The following TG variants were observed in gnomAD, a reference collection of about 807,000 sequenced individuals.
The protein encoded by TG is thyroid hormones.
A neutral mutation model predicts 324.7 loss-of-function variants in TG; 270 were observed. That is an observed-to-expected ratio of 0.83 (90% CI 0.75 to 0.92). TG has a LOEUF of 0.92. Ranked by LOEUF, TG falls within the 40% of genes least tolerant of loss-of-function variation. TG has a pLI of 0.00. For missense variants in TG, 3,591 were observed against 3,456.4 expected (o/e 1.04, Z -0.98); for synonymous variants, 1,401 against 1,327.0 (o/e 1.06, Z -1.21).
chr8:132,943,646 G>A (rs1021775402), intron 26 of TG, among the ~76,000 whole-genome samples: 1 of 152,080 alleles, frequency 6.6e-6, no homozygotes, highest in Non-Finnish European at 1.5e-5. Flanking sequence ...GCACCACAGA[G>A]TCCATGACCT....
At chr8:133,003,524 C>A (rs1374841586) in intron 35 of TG, among the ~76,000 whole-genome samples, 1 of 151,750 alleles carries the variant, frequency 6.6e-6, no homozygotes, top group Non-Finnish European at 1.5e-5. Context: ...AAAAAGTACT[C>A]CTCTGCATCA....
chr8:132,936,777 AGGCAC>A (rs1823665809), intron 25 of TG, among the ~76,000 whole-genome samples: 1 of 152,182 alleles, frequency 6.6e-6, no homozygotes, highest in African/African-American at 2.4e-5. Flanking sequence ...CATGCCAGCA[AGGCAC>A]GCTCTGAGCC....
At chr8:132,874,612 T>G (rs970130755) in intron 5 of TG, among the ~76,000 whole-genome samples, 1 of 152,216 alleles carries the variant, frequency 6.6e-6, no homozygotes, top group Non-Finnish European at 1.5e-5. Context: ...AGGAGGAATC[T>G]CAGACTAGCA....
chr8:133,133,983 G>A (rs750016734), intron 47 of TG, among the ~76,000 whole-genome samples: 1 of 152,220 alleles, frequency 6.6e-6, no homozygotes, highest in Admixed American at 6.5e-5. Context: ...GGAAGAGAAG[G>A]GAGTGTCTTG....
chr8:133,126,029 G>A (rs986183932), intron 45 of TG, among the ~76,000 whole-genome samples: 4 of 152,158 alleles, frequency 2.6e-5, no homozygotes, highest in African/African-American at 4.8e-5. Context: ...TATCAAATGC[G>A]ATGGTCAGTT....
rs141324616 is a variant in TG at position 133,067,551 on chromosome 8, G to A, written c.7240-27493G>A. 8.0e-3 allele frequency among the ~76,000 whole-genome samples: 1,224 copies of A among 152,238 alleles called. 11 individuals carry two copies. Among genetic ancestry groups the A allele is most frequent in the South Asian group, 0.022 (107 of 4,826 alleles). On this transcript the variant is annotated intron_variant, in intron 41 of 47. Coordinates refer to ENST00000220616, the MANE Select transcript of TG (RefSeq NM_003235.5). ...AGCATGTTGGGAGGCTGAGGCAAGT[G>A]GATCACCTGAGGTCAGGAGTTCAAG...
intron 41 of TG, among the ~76,000 whole-genome samples, chr8:133,089,398 C>T (rs916785530): frequency 3.3e-5 from 5 of 152,172 alleles, no homozygotes; most frequent in African/African-American, 1.2e-4. Context: ...CCATTTTCAG[C>T]ACTGAGAATG....
chr8:132,944,758 T>C lies in TG; in HGVS notation c.5233+3216T>C, dbSNP rs555539010. ...CTAGACTCTGAAGACAAGTGAATAT[T>C]GCATTGAAAACATGTAATAAGTCTT... On this transcript the variant is annotated intron_variant, in intron 26 of 47. Coordinates refer to ENST00000220616, the MANE Select transcript of TG (RefSeq NM_003235.5). 9.8e-5 allele frequency among the ~76,000 whole-genome samples: 15 copies of C among 152,356 alleles called. No individual in the cohort carries two copies. In the East Asian group the frequency reaches 2.9e-3, roughly 29 times the overall value.
chr8:132,922,123 C>G (rs1253322252), intron 21 of TG, among the ~76,000 whole-genome samples: 1 of 152,080 alleles, frequency 6.6e-6, no homozygotes, highest in Non-Finnish European at 1.5e-5. Context: ...TAGAGTCTGA[C>G]AGAGAAAAGA....
At chr8:132,985,748 G>A (rs1044109864) in intron 35 of TG, among the ~76,000 whole-genome samples, 3 of 152,136 alleles carry the variant, frequency 2.0e-5, no homozygotes, top group African/African-American at 7.2e-5. Flanking sequence ...TCGTGTGGGT[G>A]CTTCCTTCTG....
At chr8:133,045,166 G>T in intron 41 of TG, 1 of 1,606,314 alleles carries the variant, frequency 6.2e-7, no homozygotes, top group Non-Finnish European at 8.5e-7. Flanking sequence ...CTCACCCCAA[G>T]GCACCCAGCT....
intron 40 of TG, 81 bp from the exon 41 acceptor site, chr8:133,029,740 G>A (rs1043198756): frequency 2.0e-5 from 32 of 1,570,750 alleles, no homozygotes; most frequent in Non-Finnish European, 2.7e-5. Flanking sequence ...CCGCATATAT[G>A]CCTGCCATAG....
intron 34 of TG, among the ~76,000 whole-genome samples, chr8:132,980,589 G>A (rs897584185): frequency 3.3e-5 from 5 of 152,154 alleles, no homozygotes; most frequent in African/African-American, 1.2e-4. Context: ...TGATCCCAAG[G>A]AGGAGGTCAT....
chr8:133,096,013 G>A (rs1848354184), intron 42 of TG, among the ~76,000 whole-genome samples, 193 bp from the exon 43 acceptor site: 2 of 152,224 alleles, frequency 1.3e-5, no homozygotes, highest in East Asian at 3.8e-4. Flanking sequence ...ATTGCTGAGA[G>A]TGAGATTCAT....
chr8:132,939,663 G>GTTTTT (rs766831555), intron 25 of TG, among the ~76,000 whole-genome samples: 7 of 125,400 alleles, frequency 5.6e-5, no homozygotes, highest in African/African-American at 1.3e-4. Context: ...AGTCTATGGG[G>GTTTTT]TTTTTTTTTT....
In TG at chr8:133,022,069, G is replaced by A. The variant is rs141903233; in HGVS notation, c.6955G>A (p.Gly2319Ser). 2.5e-6 allele frequency: 4 copies of A among 1,614,028 alleles called. No individual in the cohort carries two copies. Among genetic ancestry groups the A allele is most frequent in the African/African-American group, 1.3e-5 (1 of 74,912 alleles). Reference protein sequence around the residue: ...EESEGWPAIDGSFLAAVGNLI... With the variant: ...EESEGWPAIDSSFLAAVGNLI... ...GAGTGAAGGATGGCCGGCTATCGAC[G>A]GCTCCTTCTTGGCTGCTGTTGGCAA... The change falls in exon 40 of 48, where the codon GGC becomes AGC. Residue 2319 changes from glycine to serine, a missense_variant. Physicochemically the swap from Gly to Ser is moderately conservative, Grantham distance 56. Coordinates refer to ENST00000220616, the MANE Select transcript of TG (RefSeq NM_003235.5).
At chr8:133,001,963 C>A (rs546313988) in intron 35 of TG, 1 of 985,390 alleles carries the variant, frequency 1.0e-6, no homozygotes, top group Non-Finnish European at 1.2e-6. Context: ...GTTTTGATTG[C>A]GGGAAGAAGG....
chr8:133,105,062 T>C (rs960323200), intron 43 of TG, among the ~76,000 whole-genome samples: 2 of 152,230 alleles, frequency 1.3e-5, no homozygotes, highest in African/African-American at 4.8e-5. Flanking sequence ...AGCATTTGTG[T>C]ATTCATTCAC....
chr8:133,092,906 C>T (rs1363307503), intron 41 of TG, among the ~76,000 whole-genome samples: 1 of 152,170 alleles, frequency 6.6e-6, no homozygotes, highest in African/African-American at 2.4e-5. Context: ...TTCTCTTAGC[C>T]ATCTTGCAAT....
Sources: allele counts gnomAD v4.1 joint callset (sites outside exome capture counted in the v4.1 genomes callset), GRCh38; gene constraint gnomAD v4.1.1; transcripts MANE v1.5; gene names NCBI Gene and HGNC (gene_info 2026-07-23, HGNC 2026-07-21).